PCDHGA3: variants seen among roughly 807,000 people sequenced by gnomAD.
PCDHGA3 encodes protocadherin gamma subfamily A, 3.
Under a neutral mutation model 58.5 loss-of-function variants are expected in PCDHGA3, and 40 were observed. That is an observed-to-expected ratio of 0.68 (90% CI 0.53 to 0.89). PCDHGA3 has a LOEUF of 0.89. PCDHGA3 is among the 40% of genes least tolerant of loss of function. PCDHGA3 has a pLI of 0.00. For synonymous variants in PCDHGA3, 530 were observed against 525.7 expected (o/e 1.01, Z -0.11); for missense variants, 1,223 against 1,195.9 (o/e 1.02, Z -0.33).
In PCDHGA3 at chr5:141,486,858, C is replaced by T. The variant is rs2099636039; in HGVS notation, c.2425-7949C>T. The T allele has an allele frequency of 2.5e-6, 4 of 1,614,246 alleles. No homozygotes were observed. The highest frequency in any genetic ancestry group is 1.1e-5 in the South Asian group (1 of 91,088). On this transcript the variant is annotated intron_variant, in intron 1 of 3. Transcript: ENST00000253812. The surrounding 1 kb of genome is among the most constrained non-coding windows in gnomAD (Gnocchi z 5.0). ...TTTGTGCTGGACCTCAATGACAATGCTCCAGCTGTGCTCCGTCCTCGGGCC... is the reference window on the plus strand; with the variant it reads ...TTTGTGCTGGACCTCAATGACAATGTTCCAGCTGTGCTCCGTCCTCGGGCC...
intron 1 of PCDHGA3, chr5:141,415,696 G>A (rs867312295): frequency 2.9e-6 from 4 of 1,397,470 alleles, no homozygotes; most frequent in Non-Finnish European, 3.8e-6. Flanking sequence ...GGTGGAAAGT[G>A]TAAATGCTAA....
Position 141,383,518 on chromosome 5 carries a change from G to A in PCDHGA3, c.2424+37061G>A, listed in dbSNP as rs1286743255. The A allele has an allele frequency of 2.5e-6, 4 of 1,612,554 alleles. 1 individual carries two copies. The highest frequency in any genetic ancestry group is 2.2e-5 in the South Asian group (2 of 90,928). On this transcript the variant is annotated intron_variant, in intron 1 of 3. Coordinates refer to ENST00000253812, the MANE Select transcript of PCDHGA3 (RefSeq NM_018916.4). The stretch of plus-strand genomic sequence containing the variant: ...GGTGCTGGACCGGGAGGAAGAGCGG[G>A]TTCACCACCTGGTCCTCACAGCCTC...
chr5:141,487,013 C>T lies in PCDHGA3; in HGVS notation c.2425-7794C>T. ...GGTTTCCTATCAGCTCCTGGAGGCC[C>T]CAGATCCCAGCCTGTTTGCAGTCTC... On this transcript the variant is annotated intron_variant, in intron 1 of 3. Coordinates refer to ENST00000253812, the MANE Select transcript of PCDHGA3 (RefSeq NM_018916.4). The surrounding 1 kb of genome is among the most constrained non-coding windows in gnomAD (Gnocchi z 5.0). The T allele has an allele frequency of 1.2e-6, 2 of 1,614,220 alleles. No individual in the cohort carries two copies. Among genetic ancestry groups the T allele is most frequent in the Non-Finnish European group, 1.7e-6 (2 of 1,180,040 alleles).
intron 1 of PCDHGA3, chr5:141,388,157 C>T (rs750936402): frequency 1.4e-6 from 2 of 1,469,104 alleles, no homozygotes; most frequent in Non-Finnish European, 1.9e-6. Flanking sequence ...GCAGGCTAGA[C>T]AGGGAGGAGA....
Position 141,365,562 on chromosome 5 carries a change from A to C in PCDHGA3, c.2424+19105A>C, listed in dbSNP as rs200032836. On this transcript the variant is annotated intron_variant, in intron 1 of 3. Transcript: ENST00000253812. ...CACCTATTAACAACTAGGGACCTGG[A>C]CAGAGAAGAGACTTCAGATTATAAT... The C allele has an allele frequency of 6.2e-4, 1,002 of 1,613,762 alleles. 1 individual carries two copies. Among genetic ancestry groups the C allele is most frequent in the Non-Finnish European group, 7.3e-4 (867 of 1,179,898 alleles).
At chr5:141,436,991 T>G (rs1016670604) in intron 1 of PCDHGA3, among the ~76,000 whole-genome samples, 2 of 152,238 alleles carry the variant, frequency 1.3e-5, no homozygotes, top group African/African-American at 4.8e-5. Flanking sequence ...AGAAGCAGTT[T>G]ACTTCAATGG....
chr5:141,487,031 G>A lies in PCDHGA3; in HGVS notation c.2425-7776G>A, dbSNP rs749130369. 1.2e-6 allele frequency: 2 copies of A among 1,614,182 alleles called. No homozygotes were observed. Among genetic ancestry groups the A allele is most frequent in the Non-Finnish European group, 1.7e-6 (2 of 1,180,028 alleles). On this transcript the variant is annotated intron_variant, in intron 1 of 3. Coordinates refer to ENST00000253812, the MANE Select transcript of PCDHGA3 (RefSeq NM_018916.4). The surrounding 1 kb of genome is among the most constrained non-coding windows in gnomAD (Gnocchi z 5.0). ...GGAGGCCCCAGATCCCAGCCTGTTT[G>A]CAGTCTCTCGATATGCTGGGGAGGT...
chr5:141,365,291 G>A (rs1485820114), intron 1 of PCDHGA3: 2 of 1,614,008 alleles, frequency 1.2e-6, no homozygotes, highest in Admixed American at 3.3e-5. Flanking sequence ...GGAAGTGGTA[G>A]CTCAGGATGG....
At chr5:141,413,092 T>C in intron 1 of PCDHGA3, 1 of 1,429,614 alleles carries the variant, frequency 7.0e-7, no homozygotes, top group Non-Finnish European at 9.4e-7. Context: ...AGAGACACCC[T>C]GAAGCCACAG....
At chr5:141,483,694 C>T (rs915328297) in intron 1 of PCDHGA3, among the ~76,000 whole-genome samples, 3 of 151,952 alleles carry the variant, frequency 2.0e-5, no homozygotes, top group African/African-American at 4.8e-5. Flanking sequence ...AGCCAGATTC[C>T]TCTTTTTGAC....
rs1299162270 is a variant in PCDHGA3 at position 141,413,906 on chromosome 5, C to T, written c.2424+67449C>T. ...GTCTTCGATGCAAATGACAACGCGC[C>T]GGTCTTCACCTTGCCAGAATACCGA... On this transcript the variant is annotated intron_variant, in intron 1 of 3. Transcript: ENST00000253812. The T allele has an allele frequency of 1.9e-6, 3 of 1,613,190 alleles. No homozygotes were observed. The highest frequency in any genetic ancestry group is 1.7e-6 in the Non-Finnish European group (2 of 1,179,870).
intron 1 of PCDHGA3, chr5:141,366,640 T>G: frequency 3.7e-6 from 6 of 1,614,186 alleles, no homozygotes; most frequent in Non-Finnish European, 4.2e-6. Flanking sequence ...ACCTGATCTT[T>G]CCCCAGCCCA....
chr5:141,374,825 C>G (rs11575953), intron 1 of PCDHGA3: 15 of 1,613,780 alleles, frequency 9.3e-6, no homozygotes, highest in Middle Eastern at 1.6e-4. Context: ...GCCTGTCTAC[C>G]GTGTAAGTGT....
chr5:141,366,619 G>C, intron 1 of PCDHGA3: 1 of 1,614,222 alleles, frequency 6.2e-7, no homozygotes, highest in Non-Finnish European at 8.5e-7. Flanking sequence ...CCGCGGACTC[G>C]AGGAAGAGTC....
In PCDHGA3 at chr5:141,386,511, T is replaced by C. The variant is rs558161782; in HGVS notation, c.2424+40054T>C. Among the ~76,000 whole-genome samples the C allele has an allele frequency of 2.0e-4, 3 of 15,264 alleles. No homozygotes were observed. The East Asian group carries it at 5.2e-3, about 27-fold the overall frequency. 10.0% of individuals were successfully genotyped at this position (15,264 alleles called of 152,430 possible). ...GATAATATAACAAGACTCTGTCTCTTCAAAAAAAGACTCTTTTTAGACTAG... is the reference window on the plus strand; with the variant it reads ...GATAATATAACAAGACTCTGTCTCTCCAAAAAAAGACTCTTTTTAGACTAG... On this transcript the variant is annotated intron_variant, in intron 1 of 3. Coordinates refer to ENST00000253812, the MANE Select transcript of PCDHGA3 (RefSeq NM_018916.4).
chr5:141,444,589 C>A (rs1198742574), intron 1 of PCDHGA3, among the ~76,000 whole-genome samples: 1 of 152,068 alleles, frequency 6.6e-6, no homozygotes, highest in Non-Finnish European at 1.5e-5. Context: ...TTTCTACTTA[C>A]CTTATTTAAA....
chr5:141,507,872 C>T (rs2099864458), intron 3 of PCDHGA3, among the ~76,000 whole-genome samples: 1 of 152,168 alleles, frequency 6.6e-6, no homozygotes, highest in African/African-American at 2.4e-5. Flanking sequence ...GCTTCCTAGC[C>T]CTGAAACCAG....
intron 1 of PCDHGA3, chr5:141,350,286 T>G: frequency 6.6e-7 from 1 of 1,510,806 alleles, no homozygotes; most frequent in Non-Finnish European, 8.8e-7. Flanking sequence ...GAAGCCGAAA[T>G]GATGAAAAGT....
Position 141,454,887 on chromosome 5 carries a change from T to C in PCDHGA3, c.2425-39920T>C, listed in dbSNP as rs1291501766. Among the ~76,000 whole-genome samples, 3 of 138,310 alleles carry C rather than the reference T, an allele frequency of 2.2e-5. No homozygotes were observed. The Admixed American group carries it at 2.3e-4, about 11-fold the overall frequency. 90.7% of individuals were successfully genotyped at this position (138,310 alleles called of 152,430 possible). A position where few individuals can be genotyped will look rare whatever the true frequency, so the allele number is the denominator to read the frequency against. ...CAGTGGCACGATCTTGGCTCACTGC[T>C]AGCACCGCCTCCCGGGTTCACGCCA... On this transcript the variant is annotated intron_variant, in intron 1 of 3. Coordinates refer to ENST00000253812, the MANE Select transcript of PCDHGA3 (RefSeq NM_018916.4).
Sources: allele counts gnomAD v4.1 joint callset (sites outside exome capture counted in the v4.1 genomes callset), GRCh38; gene constraint gnomAD v4.1.1; non-coding constraint Gnocchi (gnomAD v3.1); transcripts MANE v1.5; gene names NCBI Gene and HGNC (gene_info 2026-07-23, HGNC 2026-07-21).